The following MKX variants were observed in gnomAD, a reference collection of about 807,000 sequenced individuals.
MKX encodes the protein homeobox protein Mohawk.
In MKX, 13 loss-of-function variants were observed where a neutral mutation model predicts 36.0. The ratio of observed to expected loss-of-function variants is 0.36; its 90% confidence interval spans 0.24 to 0.57. The LOEUF is 0.57. Among genes scored for constraint, MKX ranks in the 20% least tolerant of loss-of-function variants. MKX has a pLI of 0.79. For missense variants in MKX, 458 were observed against 456.4 expected (o/e 1.00, Z -0.03); for synonymous variants, 176 against 178.3 (o/e 0.99, Z 0.10).
intron 5 of MKX, among the ~76,000 whole-genome samples, chr10:27,694,367 T>TA (rs1252080484): frequency 1.3e-5 from 2 of 151,870 alleles, no homozygotes; most frequent in Admixed American, 6.6e-5. Context: ...ATACTACACA[T>TA]ACTCCAAAGT....
At chr10:27,704,282 A>G (rs903907365) in intron 5 of MKX, among the ~76,000 whole-genome samples, 3 of 152,182 alleles carry the variant, frequency 2.0e-5, no homozygotes, top group Non-Finnish European at 4.4e-5. Context: ...TACTTTGTAA[A>G]TGTAACACAA....
intron 5 of MKX, among the ~76,000 whole-genome samples, chr10:27,680,097 G>GCC (rs1836226458): frequency 6.6e-6 from 1 of 152,126 alleles, no homozygotes; most frequent in Non-Finnish European, 1.5e-5. Context: ...ATGCAAGTTG[G>GCC]AGCTAGCTCC....
chr10:27,696,890 G>A (rs1233967268), intron 5 of MKX, among the ~76,000 whole-genome samples: 1 of 152,080 alleles, frequency 6.6e-6, no homozygotes, highest in South Asian at 2.1e-4. Context: ...GACACCTTTG[G>A]AAATTCCCAA....
In MKX at chr10:27,674,257, C is replaced by A. The variant is rs1489502256; in HGVS notation, c.*972G>T. ...TGTATAGCCGCACAGAGATACATTTCTTTCATTCTGTTGTTCTCGCTGCAA... is the reference window on the plus strand; with the variant it reads ...TGTATAGCCGCACAGAGATACATTTATTTCATTCTGTTGTTCTCGCTGCAA... On this transcript the variant is annotated 3_prime_UTR_variant, in exon 7 of 7. Coordinates refer to ENST00000419761, the MANE Select transcript of MKX (RefSeq NM_173576.3). 6.6e-6 allele frequency: 1 copy of A among 152,276 alleles called. No homozygotes were observed. Among genetic ancestry groups the A allele is most frequent in the Non-Finnish European group, 1.5e-5 (1 of 68,004 alleles). The allele number at this position is 152,276 out of a possible 1,614,324, so 9.4% of individuals were successfully genotyped here. A position where few individuals can be genotyped will look rare whatever the true frequency, so the allele number is the denominator to read the frequency against.
Position 27,734,779 on chromosome 10 carries a change from G to A in MKX, c.515C>T (p.Pro172Leu). Residue 172 changes from proline (P) to leucine (L), a missense_variant, in exon 5 of 7, where the codon CCT becomes CTT. By Grantham distance (98) the Pro-to-Leu change is moderately conservative. Transcript: ENST00000419761. ...DDSCSEDGEN[P>L]PRTHMNEGGY... ...CCCTTCGTTCATGTGGGTTCTTGGA[G>A]GATTTTCTCCATCTAAAGTGGAACA... The A allele has an allele frequency of 1.2e-6, 2 of 1,609,822 alleles. No individual in the cohort carries two copies. The highest frequency in any genetic ancestry group is 1.7e-6 in the Non-Finnish European group (2 of 1,177,418).
At chr10:27,708,608 A>G (rs550101039) in intron 5 of MKX, among the ~76,000 whole-genome samples, 1 of 152,002 alleles carries the variant, frequency 6.6e-6, no homozygotes, top group Non-Finnish European at 1.5e-5. Context: ...GTGCGCCTCT[A>G]GTCTCAGCTA....
At chr10:27,681,447 C>T (rs1049010393) in intron 5 of MKX, among the ~76,000 whole-genome samples, 3 of 149,748 alleles carry the variant, frequency 2.0e-5, no homozygotes, top group African/African-American at 7.5e-5. Context: ...GACTCCATCG[C>T]AAAACAAACA....
Position 27,675,100 on chromosome 10 carries a change from T to C in MKX, c.*129A>G, listed in dbSNP as rs1388526245. The C allele has an allele frequency of 1.4e-6, 1 of 739,946 alleles. No homozygotes were observed. Among genetic ancestry groups the C allele is most frequent in the African/African-American group, 1.8e-5 (1 of 56,578 alleles). 45.8% of individuals were successfully genotyped at this position (739,946 alleles called of 1,614,324 possible). On this transcript the variant is annotated 3_prime_UTR_variant, in exon 7 of 7. Coordinates refer to ENST00000419761, the MANE Select transcript of MKX (RefSeq NM_173576.3). ...CTTTTATAGAAGCAACTAAATGATA[T>C]ATTTGGGATAATTAAAAATAAGAAG... is the stretch of plus-strand genomic sequence containing the variant.
intron 4 of MKX, 119 bp downstream of exon 4, chr10:27,735,102 A>G (rs1166456722): frequency 9.6e-6 from 9 of 935,116 alleles, no homozygotes; most frequent in African/African-American, 1.7e-5. Context: ...ACTTCATGCA[A>G]TAAAAAAGAA....
chr10:27,689,601 T>G (rs1015747402), intron 5 of MKX, among the ~76,000 whole-genome samples: 1 of 151,966 alleles, frequency 6.6e-6, no homozygotes, highest in African/African-American at 2.4e-5. Context: ...AAAGGCGGGG[T>G]AAAACTCCTT....
chr10:27,681,765 C>CA (rs1466568960), intron 5 of MKX, among the ~76,000 whole-genome samples: 2 of 151,442 alleles, frequency 1.3e-5, no homozygotes, highest in Admixed American at 6.6e-5. Context: ...ACTAAAAATA[C>CA]AAAAAAATTA....
chr10:27,697,933 GC>G (rs1836584499), intron 5 of MKX, among the ~76,000 whole-genome samples: 1 of 152,178 alleles, frequency 6.6e-6, no homozygotes, highest in Admixed American at 6.5e-5. Context: ...GCTTCCAGCA[GC>G]AGGCAGCCTG....
chr10:27,691,321 T>G (rs1294903676), intron 5 of MKX, among the ~76,000 whole-genome samples: 18 of 152,140 alleles, frequency 1.2e-4, no homozygotes, highest in Admixed American at 1.2e-3. Context: ...TGTTCCGATG[T>G]TGAGGGTGAA....
At chr10:27,707,404 C>A (rs1437696889) in intron 5 of MKX, among the ~76,000 whole-genome samples, 1 of 151,974 alleles carries the variant, frequency 6.6e-6, no homozygotes, top group Admixed American at 6.6e-5. Context: ...GTCCTGGGCA[C>A]CATGCTACTG....
intron 5 of MKX, among the ~76,000 whole-genome samples, chr10:27,725,612 TAC>T (rs1834471106): frequency 1.3e-5 from 2 of 149,822 alleles, no homozygotes; most frequent in Non-Finnish European, 3.0e-5. Flanking sequence ...CACAGAAAAA[TAC>T]CTTCTTAATT....
intron 5 of MKX, among the ~76,000 whole-genome samples, chr10:27,724,388 G>A (rs12264856): frequency 0.092 from 13,947 of 152,134 alleles, 1,563 homozygotes; most frequent in African/African-American, 0.26. Flanking sequence ...CCAAAACCAT[G>A]AGCCTGTGAA....
rs199853103 is a variant in MKX, at chr10:27,743,404, G to T, written c.12C>A (p.Ile4=). MNT[I]VFNKLSGAVL... ...CCGCACCGCTGAGCTTGTTGAAGAC[G>T]ATGGTGTTCATGGTGTCGGTTGGTA... The change falls in exon 2 of 7, where the codon ATC becomes ATA. Residue 4 remains isoleucine, a synonymous_variant. Coordinates refer to ENST00000419761, the MANE Select transcript of MKX (RefSeq NM_173576.3). 9 of 1,561,412 alleles carry T rather than the reference G, an allele frequency of 5.8e-6. No individual in the cohort carries two copies. The highest frequency in any genetic ancestry group is 7.8e-6 in the Non-Finnish European group (9 of 1,156,314).
intron 5 of MKX, among the ~76,000 whole-genome samples, chr10:27,713,347 A>G (rs564282469): frequency 1.3e-5 from 2 of 152,282 alleles, no homozygotes; most frequent in Admixed American, 6.5e-5. Flanking sequence ...GTGGATGTGC[A>G]TTTTTCTGAA....
rs1406511457 is a variant in MKX, at chr10:27,742,436, ATC to A, written c.188+790_188+791del. ...GGTAGTAACATTTTGACGAAACCGA[ATC>A]TCTGTTTTACTAAGCAGCGACGCCG... is the stretch of plus-strand genomic sequence containing the variant. On this transcript the variant is annotated intron_variant, in intron 2 of 6. Coordinates refer to ENST00000419761, the MANE Select transcript of MKX (RefSeq NM_173576.3). This position sits in a 1 kb window ranked among gnomAD's most constrained non-coding sequence, Gnocchi z 4.2. 6.6e-6 allele frequency among the ~76,000 whole-genome samples: 1 copy of A among 152,046 alleles called. No individual in the cohort carries two copies. Among genetic ancestry groups the A allele is most frequent in the Non-Finnish European group, 1.5e-5 (1 of 67,976 alleles).
Sources: allele counts gnomAD v4.1 joint callset (sites outside exome capture counted in the v4.1 genomes callset), GRCh38; gene constraint gnomAD v4.1.1; non-coding constraint Gnocchi (gnomAD v3.1); transcripts MANE v1.5; gene names NCBI Gene and HGNC (gene_info 2026-07-23, HGNC 2026-07-21).